PTN: variants seen among roughly 807,000 people sequenced by gnomAD.
PTN encodes the protein pleiotrophin.
Under a neutral mutation model 24.1 loss-of-function variants are expected in PTN, and 18 were observed. The ratio of observed to expected loss-of-function variants is 0.75; its 90% confidence interval spans 0.52 to 1.11. PTN has a LOEUF of 1.11. Among genes scored for constraint, PTN ranks in the 50% least tolerant of loss-of-function variants. PTN has a pLI of 0.00. For synonymous variants in PTN, 78 were observed against 68.6 expected (o/e 1.14, Z -0.67); for missense variants, 163 against 198.8 (o/e 0.82, Z 1.08).
chr7:137,253,324 A>T, intron 3 of PTN, 140 bp downstream of exon 3: 1 of 859,356 alleles, frequency 1.2e-6, no homozygotes, highest in Non-Finnish European at 1.7e-6. Context: ...CTGGCCTGAA[A>T]TGGGACCAGT....
At chr7:137,296,352 C>G (rs1038797187) in intron 1 of PTN, among the ~76,000 whole-genome samples, 20 of 151,724 alleles carry the variant, frequency 1.3e-4, no homozygotes, top group East Asian at 1.2e-3. Context: ...ATTCCAAAAC[C>G]AAGAAAAATT....
intron 4 of PTN, among the ~76,000 whole-genome samples, chr7:137,250,589 G>C (rs1253862598): frequency 6.6e-6 from 1 of 152,206 alleles, no homozygotes; most frequent in East Asian, 1.9e-4. Flanking sequence ...ATTTCCCTCA[G>C]TTGGGATCCT....
At chr7:137,250,969 G>C (rs973969874) in intron 4 of PTN, among the ~76,000 whole-genome samples, 1 of 152,098 alleles carries the variant, frequency 6.6e-6, no homozygotes, top group African/African-American at 2.4e-5. Flanking sequence ...TGTCTTTGCT[G>C]GTTTCTTTTG....
intron 1 of PTN, among the ~76,000 whole-genome samples, chr7:137,290,298 T>C (rs1326449249): frequency 1.3e-5 from 2 of 152,176 alleles, no homozygotes; most frequent in African/African-American, 4.8e-5. Flanking sequence ...AGCCAAACTG[T>C]ATCATATTGC....
chr7:137,243,228 C>G (rs1460026132), intron 4 of PTN, among the ~76,000 whole-genome samples: 2 of 152,344 alleles, frequency 1.3e-5, no homozygotes, highest in African/African-American at 4.8e-5. Context: ...AGCCACTGTG[C>G]CCGGCCTGCT....
At chr7:137,324,354 A>T (rs1253210460) in intron 1 of PTN, among the ~76,000 whole-genome samples, 1 of 147,694 alleles carries the variant, frequency 6.8e-6, no homozygotes, top group Non-Finnish European at 1.5e-5. Flanking sequence ...TGTAGTGTGC[A>T]ATGATTATGC....
chr7:137,245,266 C>T (rs773075543), intron 4 of PTN, among the ~76,000 whole-genome samples: 5 of 152,244 alleles, frequency 3.3e-5, no homozygotes, highest in South Asian at 4.1e-4. Context: ...CACTTTCTGA[C>T]GAAGAGCTGA....
At chr7:137,327,336 C>T (rs1013672884) in intron 1 of PTN, among the ~76,000 whole-genome samples, 10 of 152,082 alleles carry the variant, frequency 6.6e-5, no homozygotes, top group African/African-American at 2.2e-4. Flanking sequence ...GTCTTGCTAT[C>T]ACTCCTAACA....
chr7:137,253,916 G>A (rs1278467352), intron 2 of PTN, among the ~76,000 whole-genome samples: 1 of 152,186 alleles, frequency 6.6e-6, no homozygotes, highest in Non-Finnish European at 1.5e-5. Context: ...TGATTTAGTG[G>A]CATCTCCTTT....
intron 1 of PTN, among the ~76,000 whole-genome samples, chr7:137,303,028 G>A (rs1809831857): frequency 6.6e-6 from 1 of 151,670 alleles, no homozygotes; most frequent in African/African-American, 2.4e-5. Context: ...TGTTTCTATT[G>A]GCCAGCTGCA....
chr7:137,301,397 G>C (rs1486565041), intron 1 of PTN, among the ~76,000 whole-genome samples: 1 of 151,908 alleles, frequency 6.6e-6, no homozygotes, highest in Non-Finnish European at 1.5e-5. Context: ...AGCTGTGAGA[G>C]TTGTCATCAT....
At chr7:137,260,151 A>G (rs1434231069) in intron 1 of PTN, among the ~76,000 whole-genome samples, 2 of 152,168 alleles carry the variant, frequency 1.3e-5, no homozygotes, top group Non-Finnish European at 2.9e-5. Flanking sequence ...AGTGCTGGAA[A>G]CAATCAGTTT....
At position 137,227,867 on chromosome 7, in the gene PTN, G is replaced by T; in HGVS notation, c.*153C>A. ...GTACTATAGTATACATTTAAAAAAC[G>T]CTACTACAAAAATTTTCTTTTCTTT... is the stretch of plus-strand genomic sequence containing the variant. On this transcript the variant is annotated 3_prime_UTR_variant, in exon 5 of 5. Transcript: ENST00000348225. The T allele has an allele frequency of 2.2e-6, 2 of 908,886 alleles. No individual in the cohort carries two copies. The highest frequency in any genetic ancestry group is 3.2e-6 in the Non-Finnish European group (2 of 634,780). The allele number at this position is 908,886 out of a possible 1,614,324, so 56.3% of individuals were successfully genotyped here.
chr7:137,322,294 G>A (rs1392387878), intron 1 of PTN, among the ~76,000 whole-genome samples: 1 of 152,142 alleles, frequency 6.6e-6, no homozygotes, highest in African/African-American at 2.4e-5. Flanking sequence ...GCAATGGATG[G>A]ATGTTTTCAA....
intron 4 of PTN, among the ~76,000 whole-genome samples, chr7:137,243,640 T>C (rs1217734470): frequency 1.3e-5 from 2 of 152,298 alleles, no homozygotes; most frequent in Admixed American, 6.5e-5. Context: ...GGATTTTCCA[T>C]GTGACCAAAT....
intron 1 of PTN, chr7:137,318,805 G>T (rs1026152960): frequency 6.6e-6 from 1 of 152,106 alleles, no homozygotes; most frequent in African/African-American, 2.4e-5. Context: ...ACCTGCCTGA[G>T]ACCTCAGTTT....
At chr7:137,282,126 C>G (rs1809483612) in intron 1 of PTN, among the ~76,000 whole-genome samples, 1 of 152,146 alleles carries the variant, frequency 6.6e-6, no homozygotes, top group African/African-American at 2.4e-5. Flanking sequence ...TCTAGAAGCT[C>G]ATGTGAATAG....
In PTN at chr7:137,280,701, A is replaced by AAAAG. The variant is rs1292119830; in HGVS notation, c.-1-25728_-1-25727insCTTT. Among the ~76,000 whole-genome samples the AAAAG allele has an allele frequency of 7.3e-3, 458 of 62,800 alleles. 34 individuals carry two copies. Among genetic ancestry groups the AAAAG allele is most frequent in the African/African-American group, 0.03 (439 of 14,876 alleles). 41.2% of individuals were successfully genotyped at this position (62,800 alleles called of 152,430 possible). ...AAACCCCGTCTCTACTAAAAATACAAAAAAAAAAAAAAAAAAAAAAAAAAG... is the reference window on the plus strand; with the variant it reads ...AAACCCCGTCTCTACTAAAAATACAAAAAGAAAAAAAAAAAAAAAAAAAAAAAAG... On this transcript the variant is annotated intron_variant, in intron 1 of 4. Transcript: ENST00000348225.
chr7:137,243,919 A>G (rs1162178376), intron 4 of PTN, among the ~76,000 whole-genome samples: 5 of 152,156 alleles, frequency 3.3e-5, no homozygotes, highest in Admixed American at 3.3e-4. Context: ...CTTTGGCTGC[A>G]TTATTCCTGG....
Sources: allele counts gnomAD v4.1 joint callset (sites outside exome capture counted in the v4.1 genomes callset), GRCh38; gene constraint gnomAD v4.1.1; transcripts MANE v1.5; gene names NCBI Gene and HGNC (gene_info 2026-07-23, HGNC 2026-07-21).